DNAH11: variants seen among roughly 807,000 people sequenced by gnomAD.
DNAH11 encodes axonemal beta dynein heavy chain 11.
Under a neutral mutation model 526.0 loss-of-function variants are expected in DNAH11, and 442 were observed. That is an observed-to-expected ratio of 0.84 (90% CI 0.78 to 0.91). DNAH11 has a LOEUF of 0.91. Among genes scored for constraint, DNAH11 ranks in the 40% least tolerant of loss-of-function variants. DNAH11 has a pLI of 0.00. For synonymous variants in DNAH11, 2,461 were observed against 1,935.9 expected, an observed-to-expected ratio of 1.27 and a Z score of -7.12; for missense variants, 6,989 against 5,448.7, an observed-to-expected ratio of 1.28 and a Z score of -8.90.
intron 65 of DNAH11, among the ~76,000 whole-genome samples, chr7:21,831,561 G>T (rs994097527): frequency 2.6e-5 from 4 of 152,104 alleles, no homozygotes; most frequent in Non-Finnish European, 5.9e-5. Flanking sequence ...TTTATAGGCA[G>T]ACATCCTTCT....
chr7:21,649,704 C>T (rs1028660197), intron 28 of DNAH11, among the ~76,000 whole-genome samples: 8 of 148,914 alleles, frequency 5.4e-5, no homozygotes. Context: ...GTCACCCATG[C>T]TGGAGTGCTG....
At chr7:21,850,858 G>C (rs1782606347) in intron 66 of DNAH11, among the ~76,000 whole-genome samples, 1 of 152,060 alleles carries the variant, frequency 6.6e-6, no homozygotes, top group African/African-American at 2.4e-5. Flanking sequence ...TTTTTAAATA[G>C]AATCTGTGCT....
At chr7:21,886,251 G>A (rs966580482) in intron 76 of DNAH11, among the ~76,000 whole-genome samples, 1 of 152,040 alleles carries the variant, frequency 6.6e-6, no homozygotes, top group Admixed American at 6.6e-5. Flanking sequence ...CTAATATTTA[G>A]TGTATATTAG....
At chr7:21,837,541 A>G (rs996889997) in intron 65 of DNAH11, among the ~76,000 whole-genome samples, 3 of 152,160 alleles carry the variant, frequency 2.0e-5, no homozygotes, top group Non-Finnish European at 4.4e-5. Context: ...GAAGTAGAGT[A>G]GAAAAATGGT....
chr7:21,808,002 C>T lies in DNAH11; in HGVS notation c.10285C>T (p.Arg3429Cys). The T allele has an allele frequency of 1.3e-6, 2 of 1,586,060 alleles. No individual in the cohort carries two copies. The highest frequency in any genetic ancestry group is 1.2e-5 in the South Asian group (1 of 86,906). ...CGTCGGACCCTTCACAAGGCAGTAT[C>T]GCCAGGAGCTGGTGCACTGCAAGTG... ...SYVGPFTRQYRQELVHCKWVP... is the reference protein window; with the variant it reads ...SYVGPFTRQYCQELVHCKWVP... Residue 3429 changes from arginine to cysteine, a missense_variant, in exon 63 of 82, where the codon CGC becomes TGC. Coordinates refer to ENST00000409508, the MANE Select transcript of DNAH11 (RefSeq NM_001277115.2).
intron 79 of DNAH11, 123 bp downstream of exon 79, chr7:21,895,122 G>C (rs1027953281): frequency 1.3e-6 from 1 of 776,114 alleles, no homozygotes; most frequent in East Asian, 2.7e-5. Flanking sequence ...ACCTGTAACC[G>C]TAAAAAATTC....
At position 21,868,944 on chromosome 7, in the gene DNAH11, G is replaced by A; in HGVS notation, c.11920G>A (p.Val3974Met). 1 of 1,614,034 alleles carries A rather than the reference G, an allele frequency of 6.2e-7. No homozygotes were observed. The highest frequency in any genetic ancestry group is 8.5e-7 in the Non-Finnish European group (1 of 1,179,890). The stretch of plus-strand genomic sequence containing the variant: ...ACAAGGTCAGGAGACGGTGGCAGAA[G>A]TGGCCCTGGAGAAAGCTTCCAAAGG... The part of the protein sequence containing the change: ...LGQGQETVAE[V>M]ALEKASKGGH... The change falls in exon 73 of 82, where the codon GTG becomes ATG. Residue 3974 changes from valine to methionine, a missense_variant. Val to Met is a conservative substitution (Grantham distance 21, BLOSUM62 1). Transcript: ENST00000409508.
intron 36 of DNAH11, among the ~76,000 whole-genome samples, chr7:21,702,223 TTTA>T (rs375007922): frequency 1.0e-3 from 159 of 152,230 alleles, no homozygotes; most frequent in African/African-American, 3.3e-3. Flanking sequence ...TGACATGGTT[TTTA>T]TTATATTATG....
intron 65 of DNAH11, among the ~76,000 whole-genome samples, chr7:21,830,515 G>A (rs935167216): frequency 7.9e-5 from 12 of 152,150 alleles, no homozygotes; most frequent in African/African-American, 2.9e-4. Flanking sequence ...AAGTCAGGCA[G>A]GTTGACAGAG....
chr7:21,883,838 C>T (rs938340196), intron 75 of DNAH11, among the ~76,000 whole-genome samples: 23 of 152,182 alleles, frequency 1.5e-4, no homozygotes, highest in African/African-American at 5.3e-4. Context: ...GCCAGGAATT[C>T]GAGACCAACC....
rs1460665657 is a variant in DNAH11 at position 21,726,930 on chromosome 7, C to CTTTTCTTTT, written c.7440+951_7440+959dup. Reference sequence around the variant, plus strand: ...GATGTCTGTTATATTTCTGCATCCTCTTTTCTTTTTTTTTTTTTTTTGAGA... The same window carrying CTTTTCTTTT: ...GATGTCTGTTATATTTCTGCATCCTCTTTTCTTTTTTTTCTTTTTTTTTTTTTTTTGAGA... On this transcript the variant is annotated intron_variant, in intron 45 of 81. Coordinates refer to ENST00000409508, the MANE Select transcript of DNAH11 (RefSeq NM_001277115.2). Among the ~76,000 whole-genome samples the CTTTTCTTTT allele has an allele frequency of 2.0e-3, 53 of 27,136 alleles. 11 individuals are homozygous for CTTTTCTTTT. The highest frequency in any genetic ancestry group is 2.8e-3 in the Non-Finnish European group (47 of 16,646). 17.8% of individuals were successfully genotyped at this position (27,136 alleles called of 152,430 possible). A position where few individuals can be genotyped will look rare whatever the true frequency, so the allele number is the denominator to read the frequency against.
At chr7:21,716,697 T>C (rs1467127829) in intron 42 of DNAH11, among the ~76,000 whole-genome samples, 1 of 152,156 alleles carries the variant, frequency 6.6e-6, no homozygotes, top group African/African-American at 2.4e-5. Flanking sequence ...GACACCTGCT[T>C]TCCATTGTTC....
At chr7:21,621,218 C>G (rs1329772556) in intron 25 of DNAH11, among the ~76,000 whole-genome samples, 8 of 152,122 alleles carry the variant, frequency 5.3e-5, no homozygotes, top group Non-Finnish European at 1.0e-4. Context: ...ACTAGAAAAT[C>G]TAGAAGAAAT....
intron 25 of DNAH11, among the ~76,000 whole-genome samples, chr7:21,630,731 C>T (rs554808357): frequency 6.6e-6 from 1 of 152,012 alleles, no homozygotes. Flanking sequence ...TGCTTCTTTT[C>T]TTTTGTTGCT....
chr7:21,765,507 C>G lies in DNAH11; in HGVS notation c.9020C>G (p.Ala3007Gly). 2 of 1,613,838 alleles carry G rather than the reference C, an allele frequency of 1.2e-6. No individual in the cohort carries two copies. Among genetic ancestry groups the G allele is most frequent in the South Asian group, 2.2e-5 (2 of 91,076 alleles). ...TTCCCAGCCATAGTTAACTGCACGG[C>G]TATTGACTGGTTTCATGCGTGGCCG... ...RKFPAIVNCT[A>G]IDWFHAWPQE... Residue 3007 changes from alanine (A) to glycine (G), a missense_variant, in exon 55 of 82, where the codon GCT becomes GGT. Physicochemically the swap from Ala to Gly is moderately conservative, Grantham distance 60 (BLOSUM62 0). Transcript: ENST00000409508.
chr7:21,817,899 T>A (rs1328847599), intron 64 of DNAH11, among the ~76,000 whole-genome samples: 1 of 152,210 alleles, frequency 6.6e-6, no homozygotes, highest in Non-Finnish European at 1.5e-5. Context: ...AGCCATCAAA[T>A]GAATTTAAAT....
At position 21,588,425 on chromosome 7, in the gene DNAH11, AC is replaced by A; in HGVS notation, c.1849-85del. Reference sequence around the variant, plus strand: ...ATATGTTTTATACTACTGTAAAAATACCAAAATGAAAAATTGCTTACAGGGT... The same window carrying A: ...ATATGTTTTATACTACTGTAAAAATACAAAATGAAAAATTGCTTACAGGGT... On this transcript the variant is annotated intron_variant, in intron 10 of 81. Transcript: ENST00000409508. The A allele has an allele frequency of 2.0e-6, 3 of 1,527,914 alleles. No homozygotes were observed. The East Asian group carries it at 6.8e-5, about 34-fold the overall frequency. 94.6% of individuals were successfully genotyped at this position (1,527,914 alleles called of 1,614,324 possible).
Position 21,868,025 on chromosome 7 carries a change from T to A in DNAH11, c.11839+18T>A. ...GATTCTTGGTGAGTGGCTGGGAGGCTCGCTGGCCCGCCCCTTCTCCCTCCC... is the reference window on the plus strand; with the variant it reads ...GATTCTTGGTGAGTGGCTGGGAGGCACGCTGGCCCGCCCCTTCTCCCTCCC... On this transcript the variant is annotated intron_variant, in intron 72 of 81. Transcript: ENST00000409508. The A allele has an allele frequency of 6.7e-7, 1 of 1,498,262 alleles. No homozygotes were observed. Among genetic ancestry groups the A allele is most frequent in the Non-Finnish European group, 8.9e-7 (1 of 1,118,108 alleles). The allele number at this position is 1,498,262 out of a possible 1,614,324, so 92.8% of individuals were successfully genotyped here.
chr7:21,753,026 C>G (rs1259134558), intron 54 of DNAH11, among the ~76,000 whole-genome samples: 6 of 152,146 alleles, frequency 3.9e-5, no homozygotes, highest in Non-Finnish European at 8.8e-5. Flanking sequence ...GCAGTCGGAA[C>G]TCAAATTGAG....
Sources: gnomAD v4.1 joint callset for allele counts (sites outside exome capture counted in the v4.1 genomes callset) on GRCh38, gnomAD v4.1.1 for gene constraint, MANE v1.5 for transcripts, NCBI Gene and HGNC (gene_info 2026-07-23, HGNC 2026-07-21) for gene names.